Variants in RABGAP1L observed in about 807,000 individuals in gnomAD.
The protein encoded by RABGAP1L is rab GTPase-activating protein 1-like.
Under a neutral mutation model 137.7 loss-of-function variants are expected in RABGAP1L, and 63 were observed. That is an observed-to-expected ratio of 0.46 (90% confidence interval 0.37 to 0.56). The LOEUF is 0.56. Ranked by LOEUF, RABGAP1L falls within the 20% of genes least tolerant of loss-of-function variation. The pLI, the probability that RABGAP1L is intolerant of heterozygous loss-of-function variation, is 0.00. For missense variants in RABGAP1L, 1,095 were observed against 1,244.0 expected, an observed-to-expected ratio of 0.88 and a Z score of 1.80; for synonymous variants, 431 against 433.7, an observed-to-expected ratio of 0.99 and a Z score of 0.08.
chr1:174,615,706 C>T (rs1312218133), intron 13 of RABGAP1L, among the ~76,000 whole-genome samples: 2 of 152,224 alleles, frequency 1.3e-5, no homozygotes, highest in Non-Finnish European at 2.9e-5. Context: ...GCAGGCAGGC[C>T]TCCTTGAGCT....
rs376280896 is a variant in RABGAP1L at position 174,754,280 on chromosome 1, C to T, written c.2211+1926C>T. Among the ~76,000 whole-genome samples, 6 of 152,214 alleles carry T rather than the reference C, an allele frequency of 3.9e-5. No individual in the cohort carries two copies. In the East Asian group the frequency reaches 9.7e-4, roughly 24 times the overall value. ...TATATGAATCCTGAAGCTGACCCCC[C>T]CAATAGACAGAGTATATATGGGACT... On this transcript the variant is annotated intron_variant, in intron 18 of 25. Coordinates refer to ENST00000681986, the MANE Select transcript of RABGAP1L (RefSeq NM_001366446.1).
intron 19 of RABGAP1L, among the ~76,000 whole-genome samples, chr1:174,931,810 T>A (rs1276697354): frequency 6.6e-6 from 1 of 152,082 alleles, no homozygotes; most frequent in Non-Finnish European, 1.5e-5. Context: ...CTTTTATTAC[T>A]TCCTGTTTGA....
chr1:174,601,894 A>G lies in RABGAP1L; in HGVS notation c.1711-35481A>G, dbSNP rs116306507. Among the ~76,000 whole-genome samples the G allele has an allele frequency of 4.2e-3, 639 of 152,216 alleles. 4 individuals carry two copies. Among genetic ancestry groups the G allele is most frequent in the African/African-American group, 0.013 (553 of 41,532 alleles). The stretch of plus-strand genomic sequence containing the variant: ...GAAATGCCACCAGTTTTTTTGCTGA[A>G]ACATAATAAGAGTCACCTTTGCCCC... On this transcript the variant is annotated intron_variant, in intron 13 of 25. Coordinates refer to ENST00000681986, the MANE Select transcript of RABGAP1L (RefSeq NM_001366446.1).
At chr1:174,585,011 A>G (rs937907450) in intron 13 of RABGAP1L, among the ~76,000 whole-genome samples, 1 of 152,198 alleles carries the variant, frequency 6.6e-6, no homozygotes. Context: ...CAAGTGTTGT[A>G]AGTATAAAAT....
chr1:174,567,121 C>T (rs780769332), intron 13 of RABGAP1L, among the ~76,000 whole-genome samples: 1 of 152,020 alleles, frequency 6.6e-6, no homozygotes, highest in Middle Eastern at 3.4e-3. Flanking sequence ...TATCTATATC[C>T]AACACTTTAT....
chr1:174,390,069 C>A (rs771413635), intron 12 of RABGAP1L, among the ~76,000 whole-genome samples: 1 of 152,052 alleles, frequency 6.6e-6, no homozygotes, highest in Non-Finnish European at 1.5e-5. Flanking sequence ...TTATTTGGAT[C>A]TTCTCTGATC....
At chr1:174,984,362 A>G (rs1284534344) in intron 24 of RABGAP1L, among the ~76,000 whole-genome samples, 1 of 152,240 alleles carries the variant, frequency 6.6e-6, no homozygotes, top group Admixed American at 6.5e-5. Flanking sequence ...TTGTTATAGA[A>G]ATTACACATG....
intron 13 of RABGAP1L, among the ~76,000 whole-genome samples, chr1:174,576,077 AAC>A (rs1229150849): frequency 6.6e-6 from 1 of 152,170 alleles, no homozygotes; most frequent in Non-Finnish European, 1.5e-5. Flanking sequence ...TTAAAACAGA[AAC>A]ACAGTCTTTC....
intron 13 of RABGAP1L, among the ~76,000 whole-genome samples, chr1:174,586,450 C>G (rs1199933545): frequency 2.0e-5 from 3 of 151,914 alleles, no homozygotes; most frequent in African/African-American, 7.3e-5. Flanking sequence ...AGCTTAATAC[C>G]TAGGTGATGG....
intron 14 of RABGAP1L, among the ~76,000 whole-genome samples, chr1:174,640,121 AT>A (rs969084204): frequency 1.1e-4 from 17 of 152,168 alleles, no homozygotes; most frequent in African/African-American, 4.1e-4. Context: ...CTGTATATAC[AT>A]AAAAATAATT....
chr1:174,282,188 G>A (rs2148690164), intron 10 of RABGAP1L, among the ~76,000 whole-genome samples: 1 of 152,290 alleles, frequency 6.6e-6, no homozygotes, highest in South Asian at 2.1e-4. Context: ...GAATTGCTGT[G>A]TGGTATGGTA....
At chr1:174,386,809 A>G (rs1686832840) in intron 12 of RABGAP1L, among the ~76,000 whole-genome samples, 1 of 152,090 alleles carries the variant, frequency 6.6e-6, no homozygotes, top group African/African-American at 2.4e-5. Context: ...ACCGGCCTAG[A>G]TTAGTTTTTA....
At chr1:174,351,018 G>A (rs1187684400) in intron 11 of RABGAP1L, among the ~76,000 whole-genome samples, 2 of 123,776 alleles carry the variant, frequency 1.6e-5, no homozygotes, top group Admixed American at 8.4e-5. Context: ...GCAGTGAGCC[G>A]AGATGGCAGC....
chr1:174,960,289 A>G (rs916100673), intron 20 of RABGAP1L, among the ~76,000 whole-genome samples: 3 of 152,190 alleles, frequency 2.0e-5, no homozygotes, highest in Non-Finnish European at 4.4e-5. Context: ...GGGCTATCAC[A>G]GGGAACCTAG....
intron 23 of RABGAP1L, among the ~76,000 whole-genome samples, chr1:174,982,318 T>C (rs1040768246): frequency 2.0e-5 from 3 of 152,142 alleles, no homozygotes; most frequent in African/African-American, 7.2e-5. Context: ...CGGTGTGTGA[T>C]GTTCCCCTCC....
At chr1:174,889,251 G>A (rs1655707635) in intron 19 of RABGAP1L, among the ~76,000 whole-genome samples, 1 of 151,782 alleles carries the variant, frequency 6.6e-6, no homozygotes, top group African/African-American at 2.4e-5. Flanking sequence ...AGCCTCCTGG[G>A]TAGCTGGGAC....
chr1:174,183,165 C>T (rs1666515440), intron 1 of RABGAP1L, among the ~76,000 whole-genome samples: 3 of 152,176 alleles, frequency 2.0e-5, no homozygotes, highest in Admixed American at 6.5e-5. Context: ...AAAGATGAGG[C>T]GAGAGTTGTA....
intron 18 of RABGAP1L, among the ~76,000 whole-genome samples, chr1:174,757,435 A>G (rs1200748330): frequency 6.6e-6 from 1 of 151,712 alleles, no homozygotes; most frequent in Non-Finnish European, 1.5e-5. Flanking sequence ...TCTGCTAGCA[A>G]TGTGAGAGTA....
At chr1:174,925,892 T>G (rs1178102845) in intron 19 of RABGAP1L, among the ~76,000 whole-genome samples, 7 of 145,186 alleles carry the variant, frequency 4.8e-5, no homozygotes, top group Middle Eastern at 3.4e-3. Flanking sequence ...TTTTTGTGTT[T>G]TTTTTTTTTT....
Sources: allele counts gnomAD v4.1 joint callset (sites outside exome capture counted in the v4.1 genomes callset), GRCh38; gene constraint gnomAD v4.1.1; transcripts MANE v1.5; gene names NCBI Gene and HGNC (gene_info 2026-07-23, HGNC 2026-07-21).